Variants in TNKS observed in about 807,000 individuals in gnomAD.
TNKS encodes the protein poly [ADP-ribose] polymerase tankyrase-1.
In TNKS, 72 loss-of-function variants were observed where a neutral mutation model predicts 135.8. The observed-to-expected ratio is 0.53, with a 90% CI of 0.44 to 0.64. The LOEUF is 0.64. TNKS is among the 30% of genes least tolerant of loss of function. The pLI, the probability that TNKS is intolerant of heterozygous loss-of-function variation, is 0.00. For missense variants in TNKS, 1,769 were observed against 1,674.0 expected, an observed-to-expected ratio of 1.06 and a Z score of -0.99; for synonymous variants, 849 against 649.3, an observed-to-expected ratio of 1.31 and a Z score of -4.68.
At chr8:9,563,959 G>A (rs1199113233) in intron 1 of TNKS, among the ~76,000 whole-genome samples, 2 of 152,096 alleles carry the variant, frequency 1.3e-5, no homozygotes, top group African/African-American at 4.8e-5. Flanking sequence ...AATCCCCCCT[G>A]TCCCTTTTTG....
At chr8:9,768,504 G>T (rs554514574) in intron 25 of TNKS, among the ~76,000 whole-genome samples, 1 of 152,324 alleles carries the variant, frequency 6.6e-6, no homozygotes, top group African/African-American at 2.4e-5. Context: ...AGGCTGCTGC[G>T]TCTGCAGAAT....
In TNKS at chr8:9,555,927, G is replaced by C; in HGVS notation, c.-13G>C. On this transcript the variant is annotated 5_prime_UTR_variant, in exon 1 of 27. Coordinates refer to ENST00000310430, the MANE Select transcript of TNKS (RefSeq NM_003747.3). ...GGCCGTTGCCGCAGTGACAGTGCTA[G>C]GGGAGTCCGAAGATGGCGGCGTCGC... The C allele has an allele frequency of 1.9e-6, 3 of 1,604,762 alleles. No homozygotes were observed. Among genetic ancestry groups the C allele is most frequent in the African/African-American group, 1.3e-5 (1 of 74,952 alleles).
At chr8:9,577,897 G>T (rs1798014735) in intron 1 of TNKS, among the ~76,000 whole-genome samples, 1 of 152,198 alleles carries the variant, frequency 6.6e-6, no homozygotes, top group Non-Finnish European at 1.5e-5. Flanking sequence ...AAGCCAGTTA[G>T]TTAGTTACAA....
intron 3 of TNKS, among the ~76,000 whole-genome samples, chr8:9,654,318 A>G (rs755398332): frequency 5.3e-5 from 8 of 152,216 alleles, no homozygotes; most frequent in South Asian, 4.1e-4. Flanking sequence ...TATATTTTCT[A>G]TAGTTTATTC....
chr8:9,675,342 T>C (rs28479025), intron 3 of TNKS, among the ~76,000 whole-genome samples: 4,636 of 152,322 alleles, frequency 0.03, 167 homozygotes, highest in African/African-American at 0.091. Flanking sequence ...ATCAGTGTTA[T>C]CAATTCATGG....
intron 2 of TNKS, among the ~76,000 whole-genome samples, chr8:9,613,090 A>G (rs1445901674): frequency 1.3e-5 from 2 of 152,106 alleles, no homozygotes; most frequent in African/African-American, 4.8e-5. Flanking sequence ...ACTTTTACTG[A>G]AAAAAATCTG....
At chr8:9,652,681 GAA>G (rs1011530885) in intron 3 of TNKS, among the ~76,000 whole-genome samples, 3 of 152,044 alleles carry the variant, frequency 2.0e-5, no homozygotes, top group African/African-American at 7.2e-5. Flanking sequence ...TTCACAGAGA[GAA>G]ATAAGAAACA....
chr8:9,558,250 A>C (rs1324408987), intron 1 of TNKS: 2 of 152,188 alleles, frequency 1.3e-5, no homozygotes, highest in Non-Finnish European at 2.9e-5. Context: ...TGGTATGAGA[A>C]ACACTTAAAG....
intron 3 of TNKS, among the ~76,000 whole-genome samples, chr8:9,672,811 C>G (rs1366694776): frequency 6.6e-6 from 1 of 151,862 alleles, no homozygotes; most frequent in African/African-American, 2.4e-5. Context: ...TCCTGAGCTC[C>G]CAGACTGAAC....
At chr8:9,655,846 C>T (rs1340207969) in intron 3 of TNKS, among the ~76,000 whole-genome samples, 1 of 152,060 alleles carries the variant, frequency 6.6e-6, no homozygotes, top group Non-Finnish European at 1.5e-5. Context: ...CTCTCGTCCT[C>T]CAAAGGAACG....
intron 5 of TNKS, among the ~76,000 whole-genome samples, chr8:9,688,074 T>C (rs1226313791): frequency 6.6e-6 from 1 of 152,212 alleles, no homozygotes; most frequent in African/African-American, 2.4e-5. Context: ...TCCAACTGAA[T>C]GGATGCTGGA....
chr8:9,604,791 ATTTTTTCT>A (rs146996097), intron 2 of TNKS, among the ~76,000 whole-genome samples: 123 of 151,012 alleles, frequency 8.1e-4, no homozygotes, highest in African/African-American at 2.8e-3. Flanking sequence ...TTTTATTTTT[ATTTTTTCT>A]TTTCTTCTAA....
chr8:9,683,458 G>C (rs1191111030), intron 5 of TNKS, among the ~76,000 whole-genome samples: 1 of 151,902 alleles, frequency 6.6e-6, no homozygotes, highest in East Asian at 1.9e-4. Context: ...TTTCATTTTA[G>C]AACACAGCGT....
At chr8:9,726,033 T>C (rs1805142503) in intron 12 of TNKS, among the ~76,000 whole-genome samples, 1 of 152,194 alleles carries the variant, frequency 6.6e-6, no homozygotes, top group Non-Finnish European at 1.5e-5. Flanking sequence ...TAGTAGCCCT[T>C]TTCTGTTCAC....
chr8:9,657,259 C>A (rs1165248374), intron 3 of TNKS, among the ~76,000 whole-genome samples: 2 of 119,322 alleles, frequency 1.7e-5, no homozygotes, highest in South Asian at 2.9e-4. Context: ...GCCGACCCCC[C>A]CACCTCCCTC....
In TNKS at chr8:9,764,755, G is replaced by T. The variant is rs531343520; in HGVS notation, c.3412G>T (p.Ala1138Ser). 1.9e-6 allele frequency: 3 copies of T among 1,599,984 alleles called. No individual in the cohort carries two copies. The highest frequency in any genetic ancestry group is 2.7e-5 in the African/African-American group (2 of 74,264). The change falls in exon 23 of 27, where the codon GCT becomes TCT. Residue 1138 changes from alanine to serine, a missense_variant. Coordinates refer to ENST00000310430, the MANE Select transcript of TNKS (RefSeq NM_003747.3). ...TIREHRDGGNAGGIFNRYNVI... is the reference protein window; with the variant it reads ...TIREHRDGGNSGGIFNRYNVI... ...TCGAGAACACAGAGATGGTGGTAAT[G>T]CTGGCGGCATCTTCAACAGATACAA...
At chr8:9,610,513 A>G (rs1254195425) in intron 2 of TNKS, among the ~76,000 whole-genome samples, 2 of 152,038 alleles carry the variant, frequency 1.3e-5, no homozygotes, top group Non-Finnish European at 2.9e-5. Context: ...GCTCATGTGT[A>G]TTGGTAAAGA....
intron 3 of TNKS, among the ~76,000 whole-genome samples, chr8:9,636,281 T>A (rs1309137425): frequency 1.3e-5 from 2 of 152,212 alleles, no homozygotes; most frequent in African/African-American, 4.8e-5. Context: ...AGTAAAATGT[T>A]ATTCAAAGTG....
chr8:9,740,836 T>TTTTTG, intron 17 of TNKS: 1 of 143,350 alleles, frequency 7.0e-6, no homozygotes, highest in South Asian at 2.3e-4. Flanking sequence ...GTTTTTTTTT[T>TTTTTG]TTTTTTTTTT....
Sources: gnomAD v4.1 joint callset for allele counts (sites outside exome capture counted in the v4.1 genomes callset) on GRCh38, gnomAD v4.1.1 for gene constraint, MANE v1.5 for transcripts, NCBI Gene and HGNC (gene_info 2026-07-23, HGNC 2026-07-21) for gene names.